Variants in PROM2 observed in about 807,000 individuals in gnomAD.
PROM2 encodes prominin 2, also known as prominin-2.
In PROM2, 90 loss-of-function variants were observed where a neutral mutation model predicts 110.2. The observed-to-expected ratio is 0.82, with a 90% CI of 0.69 to 0.97. The LOEUF (loss-of-function observed/expected upper bound fraction) is 0.97, where lower values mean the gene tolerates loss of function less well. Among genes scored for constraint, PROM2 ranks in the 50% least tolerant of loss-of-function variants. The pLI is 0.00. For synonymous variants in PROM2, 470 were observed against 467.8 expected (o/e 1.00, Z -0.06); for missense variants, 1,009 against 1,074.8 (o/e 0.94, Z 0.86).
At chr2:95,277,730 GC>G in intron 7 of PROM2, 164 bp downstream of exon 7, 1 of 793,200 alleles carries the variant, frequency 1.3e-6, no homozygotes, top group Non-Finnish European at 2.0e-6. Flanking sequence ...TGCTCCCCAG[GC>G]CACGCCCTGT....
At chr2:95,278,302 G>A (rs1676801093) in intron 8 of PROM2, 3 of 547,202 alleles carry the variant, frequency 5.5e-6, no homozygotes. Context: ...GGAGGATGCG[G>A]TGTTGTGAGT....
rs752185998 is a variant in PROM2, at chr2:95,278,009, G to A, written c.1050+5G>A. The A allele has an allele frequency of 5.0e-6, 8 of 1,606,684 alleles. No homozygotes were observed. The highest frequency in any genetic ancestry group is 3.3e-5 in the Admixed American group (2 of 59,792). On this transcript the variant is annotated splice_donor_5th_base_variant and intron_variant, in intron 8 of 23. Coordinates refer to ENST00000317620, the MANE Select transcript of PROM2 (RefSeq NM_001165978.3). ...TTCTCCAGCATGGTCCAGGAGGTGAGAGCCACCTGGTCTGCCTGATTTCTC... is the reference window on the plus strand; with the variant it reads ...TTCTCCAGCATGGTCCAGGAGGTGAAAGCCACCTGGTCTGCCTGATTTCTC...
rs1163774293 is a variant in PROM2 at position 95,277,546 on chromosome 2, C to A, written c.955C>A (p.Leu319Met). Residue 319 changes from leucine (L) to methionine (M), a missense_variant, in exon 7 of 24, where the codon CTG (leucine) becomes ATG (methionine). Physicochemically the swap from Leu to Met is conservative, Grantham distance 15. Transcript: ENST00000317620. ...GALSWARTLE[L>M]GADFSQVPSV... Reference sequence around the variant, plus strand: ...CCTGAGCTGGGCCCGCACCCTGGAGCTGGGTGCTGACTTCAGCCAGGTGCA... The same window carrying A: ...CCTGAGCTGGGCCCGCACCCTGGAGATGGGTGCTGACTTCAGCCAGGTGCA... 6.3e-7 allele frequency: 1 copy of A among 1,585,954 alleles called. No homozygotes were observed. Among genetic ancestry groups the A allele is most frequent in the Non-Finnish European group, 8.6e-7 (1 of 1,166,746 alleles).
Position 95,276,391 on chromosome 2 carries a change from T to G in PROM2, c.618+44T>G, listed in dbSNP as rs754849940. The stretch of plus-strand genomic sequence containing the variant: ...CACCCTCATGTGCCCCTGTGAGCAC[T>G]GGGCCCGGGCAGGACAGAGCCGAGT... On this transcript the variant is annotated intron_variant, in intron 4 of 23. Coordinates refer to ENST00000317620, the MANE Select transcript of PROM2 (RefSeq NM_001165978.3). The surrounding 1 kb of genome is among the most constrained non-coding windows in gnomAD (Gnocchi z 4.6). The G allele has an allele frequency of 1.2e-6, 2 of 1,607,494 alleles. No homozygotes were observed. Among genetic ancestry groups the G allele is most frequent in the South Asian group, 2.2e-5 (2 of 90,084 alleles).
At chr2:95,279,778 C>A in intron 10 of PROM2, 67 bp from the exon 11 acceptor site, 1 of 1,331,438 alleles carries the variant, frequency 7.5e-7, no homozygotes, top group East Asian at 2.8e-5. Flanking sequence ...TCGCCACGTC[C>A]CGCACCTGTC....
Position 95,280,748 on chromosome 2 carries a change from G to A in PROM2, c.1428-494G>A, listed in dbSNP as rs150284285. Among the ~76,000 whole-genome samples the A allele has an allele frequency of 3.3e-5, 5 of 152,290 alleles. No individual in the cohort carries two copies. In the East Asian group the frequency reaches 7.7e-4, roughly 24 times the overall value. On this transcript the variant is annotated intron_variant, in intron 11 of 23. Transcript: ENST00000317620. ...TAGCCTCACCCTCCCAGGCTCAAGC[G>A]ATTCTCACACCTCAGCCTCCCAAAC...
At chr2:95,288,134 T>G (rs1432537738) in intron 20 of PROM2, 77 bp from the exon 21 acceptor site, 1 of 1,450,150 alleles carries the variant, frequency 6.9e-7, no homozygotes, top group East Asian at 2.3e-5. Context: ...TGTCAACCAC[T>G]CTCCCTGAAT....
chr2:95,275,703 T>C lies in PROM2; in HGVS notation c.294+193T>C, dbSNP rs1452955193. Among the ~76,000 whole-genome samples the C allele has an allele frequency of 6.6e-6, 1 of 152,216 alleles. No individual in the cohort carries two copies. Among genetic ancestry groups the C allele is most frequent in the African/African-American group, 2.4e-5 (1 of 41,462 alleles). On this transcript the variant is annotated intron_variant, in intron 2 of 23. Transcript: ENST00000317620. This position sits in a 1 kb window ranked among gnomAD's most constrained non-coding sequence, Gnocchi z 4.4. ...TGCAAACCACAGCTCTGCCATTTAC[T>C]GGCAGTGAGGTTTGCAGGGAGCTGG...
At chr2:95,277,744 G>A (rs1037426473) in intron 7 of PROM2, 178 bp downstream of exon 7, 4 of 762,902 alleles carry the variant, frequency 5.2e-6, no homozygotes, top group Non-Finnish European at 6.3e-6. Flanking sequence ...CGCCCTGTAC[G>A]TGAACTTCAT....
intron 6 of PROM2, 46 bp from the exon 7 acceptor site, chr2:95,277,318 G>A: frequency 6.4e-7 from 1 of 1,553,000 alleles, no homozygotes; most frequent in East Asian, 2.3e-5. Flanking sequence ...AGGCGTCTGG[G>A]GATGCATATG....
chr2:95,288,379 G>A, intron 21 of PROM2, 79 bp downstream of exon 21: 1 of 1,590,944 alleles, frequency 6.3e-7, no homozygotes, highest in Non-Finnish European at 8.6e-7. Context: ...GGGTGAGCAG[G>A]GTGTGAAGCC....
chr2:95,281,662 C>T (rs1368065779), intron 12 of PROM2, among the ~76,000 whole-genome samples: 2 of 152,110 alleles, frequency 1.3e-5, no homozygotes, highest in African/African-American at 4.8e-5. Context: ...GACCCTGGTG[C>T]CCGGTGAGCT....
rs1290247091 is a variant in PROM2 at position 95,277,416 on chromosome 2, GCTGCAGGCCGGGCAGCAGGAC to G, written c.829_849del (p.Gln277_Leu283del). 1 of 1,613,396 alleles carries G rather than the reference GCTGCAGGCCGGGCAGCAGGAC, an allele frequency of 6.2e-7. No homozygotes were observed. The highest frequency in any genetic ancestry group is 2.2e-5 in the East Asian group (1 of 44,868). ...AAACCTTGAATGCTACAGTGGTAGA[GCTGCAGGCCGGGCAGCAGGAC>G]CTGGAGCCAGCCATCCGGGAACACC... is the stretch of plus-strand genomic sequence containing the variant. On this transcript the variant is annotated inframe_deletion, in exon 7 of 24. Transcript: ENST00000317620.
chr2:95,276,262 G>C lies in PROM2; in HGVS notation c.533G>C (p.Arg178Pro). ...GTCTGTGCCTTTGTCACCAACCAGC[G>C]CACGCATGAACAGATGGGCCCCAGC... Reference protein sequence around the residue: ...GVVCAFVTNQRTHEQMGPSIE... With the variant: ...GVVCAFVTNQPTHEQMGPSIE... The change falls in exon 4 of 24, where the codon CGC (arginine) becomes CCC (proline). Residue 178 changes from arginine to proline, a missense_variant. Arg to Pro is a moderately radical substitution (Grantham distance 103, BLOSUM62 -2). Coordinates refer to ENST00000317620, the MANE Select transcript of PROM2 (RefSeq NM_001165978.3). This position sits in a 1 kb window ranked among gnomAD's most constrained non-coding sequence, Gnocchi z 4.6. The C allele has an allele frequency of 6.2e-7, 1 of 1,613,938 alleles. No individual in the cohort carries two copies. Among genetic ancestry groups the C allele is most frequent in the Non-Finnish European group, 8.5e-7 (1 of 1,180,036 alleles).
Position 95,281,233 on chromosome 2 carries a change from C to T in PROM2, c.1428-9C>T. On this transcript the variant is annotated splice_polypyrimidine_tract_variant and intron_variant, in intron 11 of 23. Transcript: ENST00000317620. ...GCTGTCCCTCAGTCCTGCCTCTCGC[C>T]TACCCCAGAGGTGTGGGCCTCAGCT... 1 of 1,611,732 alleles carries T rather than the reference C, an allele frequency of 6.2e-7. No individual in the cohort carries two copies. The highest frequency in any genetic ancestry group is 1.3e-5 in the African/African-American group (1 of 75,044).
In PROM2 at chr2:95,281,230, C is replaced by G. The variant is rs202111623; in HGVS notation, c.1428-12C>G. 1.2e-6 allele frequency: 2 copies of G among 1,611,076 alleles called. No individual in the cohort carries two copies. The highest frequency in any genetic ancestry group is 1.7e-6 in the Non-Finnish European group (2 of 1,179,710). ...CCTGCTGTCCCTCAGTCCTGCCTCT[C>G]GCCTACCCCAGAGGTGTGGGCCTCA... On this transcript the variant is annotated splice_polypyrimidine_tract_variant and intron_variant, in intron 11 of 23. Coordinates refer to ENST00000317620, the MANE Select transcript of PROM2 (RefSeq NM_001165978.3).
chr2:95,288,666 A>G, intron 22 of PROM2, 77 bp downstream of exon 22: 1 of 1,295,694 alleles, frequency 7.7e-7, no homozygotes, highest in Non-Finnish European at 1.1e-6. Flanking sequence ...CCCCTGTCAC[A>G]GCCCCTCCTG....
intron 10 of PROM2, 102 bp from the exon 11 acceptor site, chr2:95,279,743 C>A: frequency 1.0e-6 from 1 of 958,986 alleles, no homozygotes; most frequent in Non-Finnish European, 1.4e-6. Flanking sequence ...GAAGCCCCAG[C>A]CTTGGGGTTA....
chr2:95,276,886 G>C lies in PROM2; in HGVS notation c.683-86G>C. ...CCACCCCCCGGCTCCTGCAGAGCCC[G>C]GTGGGGCCTGGGGAGGCAGGATGGG... On this transcript the variant is annotated intron_variant, in intron 5 of 23. Transcript: ENST00000317620. This position sits in a 1 kb window ranked among gnomAD's most constrained non-coding sequence, Gnocchi z 4.6. 1 of 1,414,314 alleles carries C rather than the reference G, an allele frequency of 7.1e-7. No homozygotes were observed. Among genetic ancestry groups the C allele is most frequent in the Non-Finnish European group, 9.8e-7 (1 of 1,025,358 alleles). 87.6% of individuals were successfully genotyped at this position (1,414,314 alleles called of 1,614,324 possible).
Sources: allele counts gnomAD v4.1 joint callset (sites outside exome capture counted in the v4.1 genomes callset), GRCh38; gene constraint gnomAD v4.1.1; non-coding constraint Gnocchi (gnomAD v3.1); transcripts MANE v1.5; gene names NCBI Gene and HGNC (gene_info 2026-07-23, HGNC 2026-07-21).